Variants in LAMA2 observed in about 807,000 individuals in gnomAD.
The protein encoded by LAMA2 is laminin subunit alpha 2, also known as laminin subunit alpha-2.
Under a neutral mutation model 364.8 loss-of-function variants are expected in LAMA2, and 269 were observed. The observed-to-expected ratio is 0.74, with a 90% CI of 0.67 to 0.82. The LOEUF (loss-of-function observed/expected upper bound fraction) is 0.82, where lower values mean the gene tolerates loss of function less well. Ranked by LOEUF, LAMA2 falls within the 40% of genes least tolerant of loss-of-function variation. The pLI is 0.00. For synonymous variants in LAMA2, 1,379 were observed against 1,370.6 expected, an observed-to-expected ratio of 1.01 and a Z score of -0.14; for missense variants, 3,807 against 3,873.2, an observed-to-expected ratio of 0.98 and a Z score of 0.45.
chr6:129,056,641 T>C (rs1234074032), intron 2 of LAMA2, among the ~76,000 whole-genome samples: 1 of 152,198 alleles, frequency 6.6e-6, no homozygotes, highest in Non-Finnish European at 1.5e-5. Flanking sequence ...ATGTTTTCAG[T>C]AAATGTTATG....
chr6:129,148,160 A>C (rs954286511), intron 6 of LAMA2, among the ~76,000 whole-genome samples: 1 of 152,072 alleles, frequency 6.6e-6, no homozygotes, highest in African/African-American at 2.4e-5. Flanking sequence ...CCACCATAGA[A>C]TACTACGCTG....
At chr6:129,254,385 A>G (rs191405307) in intron 14 of LAMA2, among the ~76,000 whole-genome samples, 236 of 152,316 alleles carry the variant, frequency 1.5e-3, no homozygotes, top group Middle Eastern at 6.8e-3. Flanking sequence ...TTGGACTTCA[A>G]TCACTTCATC....
chr6:129,471,566 G>T (rs1430145702), intron 51 of LAMA2, among the ~76,000 whole-genome samples: 1 of 151,752 alleles, frequency 6.6e-6, no homozygotes, highest in African/African-American at 2.4e-5. Context: ...TCATCTTCCA[G>T]TCAACAGCCC....
chr6:129,094,114 A>G (rs1287594008), intron 3 of LAMA2, among the ~76,000 whole-genome samples: 1 of 152,232 alleles, frequency 6.6e-6, no homozygotes, highest in African/African-American at 2.4e-5. Context: ...TTTGGAGTAC[A>G]GTACTTAGAA....
intron 31 of LAMA2, among the ~76,000 whole-genome samples, chr6:129,352,351 G>C (rs1776898722): frequency 6.6e-6 from 1 of 152,088 alleles, no homozygotes; most frequent in African/African-American, 2.4e-5. Flanking sequence ...TGCATTTAGG[G>C]TTCATCCAGT....
intron 1 of LAMA2, among the ~76,000 whole-genome samples, chr6:129,029,601 G>A (rs1582900338): frequency 6.6e-6 from 1 of 151,964 alleles, no homozygotes; most frequent in East Asian, 1.9e-4. Flanking sequence ...AAAGGTGACT[G>A]AAGTTAGGAA....
chr6:129,251,076 C>CTCTCTCTATA (rs1491468271), intron 13 of LAMA2, among the ~76,000 whole-genome samples: 15 of 49,802 alleles, frequency 3.0e-4, no homozygotes, highest in African/African-American at 9.0e-4. Context: ...CTCTCTCTCT[C>CTCTCTCTATA]TATATATATA....
At chr6:129,182,779 A>G (rs536017592) in intron 10 of LAMA2, among the ~76,000 whole-genome samples, 1 of 151,900 alleles carries the variant, frequency 6.6e-6, no homozygotes, top group Admixed American at 6.6e-5. Context: ...GTGAAATGAG[A>G]TTCATTTGTA....
chr6:129,446,759 A>C (rs533171522), intron 45 of LAMA2, among the ~76,000 whole-genome samples: 29 of 152,262 alleles, frequency 1.9e-4, no homozygotes, highest in Admixed American at 7.2e-4. Flanking sequence ...AGTAGTATTT[A>C]AGAATACGAT....
At chr6:129,325,952 G>A (rs953791971) in intron 28 of LAMA2, among the ~76,000 whole-genome samples, 1 of 152,144 alleles carries the variant, frequency 6.6e-6, no homozygotes, top group Non-Finnish European at 1.5e-5. Context: ...CGATGCTCGT[G>A]CCTCAGCCTC....
At chr6:129,424,262 A>G (rs934772674) in intron 40 of LAMA2, among the ~76,000 whole-genome samples, 2 of 152,036 alleles carry the variant, frequency 1.3e-5, no homozygotes, top group African/African-American at 4.8e-5. Context: ...ACATAAAAAT[A>G]TAAAACATCT....
intron 4 of LAMA2, among the ~76,000 whole-genome samples, chr6:129,114,157 T>C (rs1321618635): frequency 6.6e-6 from 1 of 152,020 alleles, no homozygotes; most frequent in Non-Finnish European, 1.5e-5. Context: ...TATTTATATA[T>C]TAAAAAATCC....
At chr6:129,138,575 A>AGTATTTGATTTTTTT (rs1777936073) in intron 4 of LAMA2, among the ~76,000 whole-genome samples, 1 of 152,134 alleles carries the variant, frequency 6.6e-6, no homozygotes, top group Non-Finnish European at 1.5e-5. Context: ...TCATTTATCC[A>AGTATTTGATTTTTTT]GTATATTTGA....
chr6:129,423,333 A>G (rs186371112), intron 40 of LAMA2, among the ~76,000 whole-genome samples: 1 of 152,222 alleles, frequency 6.6e-6, no homozygotes, highest in East Asian at 1.9e-4. Flanking sequence ...GGGGCAAGAA[A>G]AAGGAAATAA....
At chr6:129,192,538 G>T (rs1020621970) in intron 11 of LAMA2, 142 bp from the exon 12 acceptor site, 7 of 704,422 alleles carry the variant, frequency 9.9e-6, no homozygotes, top group Middle Eastern at 7.7e-4. Flanking sequence ...TATTCATAAT[G>T]CTCAGGTTTT....
intron 30 of LAMA2, 118 bp downstream of exon 30, chr6:129,342,585 G>A (rs1776330185): frequency 3.2e-6 from 3 of 943,180 alleles, no homozygotes; most frequent in Non-Finnish European, 4.7e-6. Context: ...TTAAGATAGA[G>A]ATATTTTTAA....
intron 8 of LAMA2, among the ~76,000 whole-genome samples, chr6:129,162,199 T>G (rs2114988442): frequency 6.6e-6 from 1 of 152,300 alleles, no homozygotes; most frequent in Middle Eastern, 3.4e-3. Context: ...TTCTGACCAG[T>G]GTGAGATGGT....
intron 12 of LAMA2, among the ~76,000 whole-genome samples, chr6:129,226,360 A>T (rs265338): frequency 1.3e-5 from 2 of 151,994 alleles, no homozygotes; most frequent in African/African-American, 2.4e-5. Flanking sequence ...ATGTGTGAAT[A>T]TGATCCTGTC....
rs866475712 is a variant in LAMA2 at position 129,492,328 on chromosome 6, G to T, written c.8089G>T (p.Ala2697Ser). ...ACATTCTATTAGCCCCATGGACTTT[G>T]CAAGGCCTGTGTCCTTCAAAAATGC... ...LVINSVPMDF[A>S]RPVSFKNADI... Residue 2697 changes from alanine to serine, a missense_variant, in exon 58 of 65, where the codon GCA (alanine) becomes TCA (serine). Coordinates refer to ENST00000421865, the MANE Select transcript of LAMA2 (RefSeq NM_000426.4). 3.7e-6 allele frequency: 6 copies of T among 1,613,930 alleles called. No homozygotes were observed. Among genetic ancestry groups the T allele is most frequent in the African/African-American group, 2.7e-5 (2 of 74,916 alleles).
Sources: allele counts gnomAD v4.1 joint callset (sites outside exome capture counted in the v4.1 genomes callset), GRCh38; gene constraint gnomAD v4.1.1; transcripts MANE v1.5; gene names NCBI Gene and HGNC (gene_info 2026-07-23, HGNC 2026-07-21).